Variants in GRIK2 observed in about 807,000 individuals in gnomAD.
GRIK2 encodes glutamate receptor ionotropic, kainate 2.
Under a neutral mutation model 100.3 loss-of-function variants are expected in GRIK2, and 32 were observed. The ratio of observed to expected loss-of-function variants is 0.32; its 90% confidence interval spans 0.24 to 0.43. The LOEUF (loss-of-function observed/expected upper bound fraction) is 0.43. GRIK2 is among the 20% of genes least tolerant of loss of function. GRIK2 has a pLI of 1.00. For synonymous variants in GRIK2, 417 were observed against 389.4 expected, an observed-to-expected ratio of 1.07 and a Z score of -0.83; for missense variants, 843 against 1,114.9, an observed-to-expected ratio of 0.76 and a Z score of 3.47.
chr6:101,591,648 G>A (rs57088747), intron 2 of GRIK2, among the ~76,000 whole-genome samples: 1 of 152,058 alleles, frequency 6.6e-6, no homozygotes, highest in East Asian at 1.9e-4. Flanking sequence ...TGGATTAACA[G>A]TGATGTTAAC....
intron 11 of GRIK2, among the ~76,000 whole-genome samples, chr6:101,889,349 A>G (rs1786880548): frequency 6.6e-6 from 1 of 151,872 alleles, no homozygotes; most frequent in Admixed American, 6.6e-5. Flanking sequence ...TGAGTGTACA[A>G]TAGTTTCTTC....
At position 101,757,043 on chromosome 6, in the gene GRIK2, G is replaced by A. The variant is rs139594482; in HGVS notation, c.952-42605G>A. ...AAAAACTCTAGTGGTTGAGATTCACGTTCCAGAAAAATCTTGCTTTAAATA... is the reference window on the plus strand; with the variant it reads ...AAAAACTCTAGTGGTTGAGATTCACATTCCAGAAAAATCTTGCTTTAAATA... On this transcript the variant is annotated intron_variant, in intron 7 of 16. Coordinates refer to ENST00000369134, the MANE Select transcript of GRIK2 (RefSeq NM_021956.5). Among the ~76,000 whole-genome samples the A allele has an allele frequency of 1.8e-4, 28 of 152,158 alleles. No individual in the cohort carries two copies. The East Asian group carries it at 4.8e-3, about 26-fold the overall frequency.
At chr6:101,896,096 T>C (rs1787420274) in intron 12 of GRIK2, among the ~76,000 whole-genome samples, 1 of 151,796 alleles carries the variant, frequency 6.6e-6, no homozygotes. Context: ...TGTACCTCTT[T>C]ATTTTAGTGG....
At chr6:101,581,397 C>A (rs1426523305) in intron 2 of GRIK2, among the ~76,000 whole-genome samples, 1 of 151,900 alleles carries the variant, frequency 6.6e-6, no homozygotes, top group Non-Finnish European at 1.5e-5. Context: ...AGCTGAGGAG[C>A]AAGGAATCCA....
At chr6:101,957,135 T>C (rs1312147) in intron 14 of GRIK2, among the ~76,000 whole-genome samples, 77,470 of 151,642 alleles carry the variant, frequency 0.51, 20,307 homozygotes, top group African/African-American at 0.63. Flanking sequence ...ATTCACTTTT[T>C]TCTAAATGTG....
At chr6:101,490,586 A>G (rs1214896518) in intron 2 of GRIK2, among the ~76,000 whole-genome samples, 2 of 146,892 alleles carry the variant, frequency 1.4e-5, no homozygotes, top group East Asian at 3.9e-4. Context: ...TGGGGGTGTT[A>G]ATAGGAAAGT....
intron 11 of GRIK2, among the ~76,000 whole-genome samples, chr6:101,884,967 G>A (rs1051518600): frequency 6.6e-6 from 1 of 152,192 alleles, no homozygotes; most frequent in Admixed American, 6.6e-5. Flanking sequence ...CTGCTGTGTA[G>A]GTGTCTTTGT....
At chr6:101,831,736 A>G (rs141488652) in intron 10 of GRIK2, among the ~76,000 whole-genome samples, 104 of 152,138 alleles carry the variant, frequency 6.8e-4, no homozygotes, top group Middle Eastern at 6.8e-3. Flanking sequence ...ATTTCTGTGT[A>G]TTTTTTCCTG....
At chr6:101,719,048 C>A (rs576952727) in intron 7 of GRIK2, among the ~76,000 whole-genome samples, 1 of 149,492 alleles carries the variant, frequency 6.7e-6, no homozygotes, top group Non-Finnish European at 1.5e-5. Context: ...TCTTACTCTA[C>A]TTTCAAAGAA....
chr6:101,921,422 A>AAAAATATT (rs1789485055), intron 12 of GRIK2, among the ~76,000 whole-genome samples: 1 of 152,094 alleles, frequency 6.6e-6, no homozygotes, highest in Admixed American at 6.6e-5. Flanking sequence ...GTATGAGCAG[A>AAAAATATT]AAAATATTAA....
At chr6:101,428,600 A>G (rs1372920560) in intron 2 of GRIK2, among the ~76,000 whole-genome samples, 1 of 152,252 alleles carries the variant, frequency 6.6e-6, no homozygotes, top group Non-Finnish European at 1.5e-5. Context: ...CAGTTACGTA[A>G]GGAAATTATT....
intron 15 of GRIK2, among the ~76,000 whole-genome samples, chr6:102,037,894 A>G (rs1238959349): frequency 6.6e-6 from 1 of 151,320 alleles, no homozygotes; most frequent in Non-Finnish European, 1.5e-5. Context: ...GTGATGCACA[A>G]CTTCTTTGAT....
intron 2 of GRIK2, among the ~76,000 whole-genome samples, chr6:101,619,383 A>G (rs1484038942): frequency 6.6e-6 from 1 of 151,902 alleles, no homozygotes; most frequent in Non-Finnish European, 1.5e-5. Context: ...ATTTCTTTAA[A>G]CATTCAAACT....
At chr6:101,723,502 T>C (rs530824742) in intron 7 of GRIK2, among the ~76,000 whole-genome samples, 1 of 152,164 alleles carries the variant, frequency 6.6e-6, no homozygotes, top group East Asian at 1.9e-4. Flanking sequence ...AACATATGTT[T>C]ATCTGAGAAA....
intron 4 of GRIK2, among the ~76,000 whole-genome samples, chr6:101,667,610 TG>T (rs1419216750): frequency 6.6e-6 from 1 of 152,152 alleles, no homozygotes; most frequent in Non-Finnish European, 1.5e-5. Context: ...TTTATTTGAA[TG>T]TATCATGGTT....
intron 2 of GRIK2, among the ~76,000 whole-genome samples, chr6:101,533,031 T>A (rs1184715206): frequency 6.6e-6 from 1 of 151,848 alleles, no homozygotes; most frequent in Non-Finnish European, 1.5e-5. Flanking sequence ...TAAAACAAAA[T>A]GAACAATTAG....
chr6:101,936,775 C>T (rs546210878), intron 14 of GRIK2, among the ~76,000 whole-genome samples: 2 of 152,184 alleles, frequency 1.3e-5, no homozygotes, highest in South Asian at 4.2e-4. Context: ...GATGTGAAGG[C>T]TAGTTGGCAT....
intron 11 of GRIK2, among the ~76,000 whole-genome samples, chr6:101,869,616 T>A (rs1027928110): frequency 6.6e-6 from 1 of 151,902 alleles, no homozygotes; most frequent in African/African-American, 2.4e-5. Context: ...AAGTAATGTC[T>A]GTGGGACCAT....
In GRIK2 at chr6:101,898,680, C is replaced by G. The variant is rs150464250; in HGVS notation, c.1748+8817C>G. On this transcript the variant is annotated intron_variant, in intron 12 of 16. Coordinates refer to ENST00000369134, the MANE Select transcript of GRIK2 (RefSeq NM_021956.5). Reference sequence around the variant, plus strand: ...AAATTATTAGCTACGTGTTATAAAGCTAGTCTCTGGAAATGCTAACACTTT... The same window carrying G: ...AAATTATTAGCTACGTGTTATAAAGGTAGTCTCTGGAAATGCTAACACTTT... 7.9e-3 allele frequency among the ~76,000 whole-genome samples: 1,191 copies of G among 151,620 alleles called. 20 individuals carry two copies. Among genetic ancestry groups the G allele is most frequent in the African/African-American group, 0.027 (1,127 of 41,456 alleles).
Sources: gnomAD v4.1 joint callset for allele counts (sites outside exome capture counted in the v4.1 genomes callset) on GRCh38, gnomAD v4.1.1 for gene constraint, MANE v1.5 for transcripts, NCBI Gene and HGNC (gene_info 2026-07-23, HGNC 2026-07-21) for gene names.